NDUFAF6: variants seen among roughly 807,000 people sequenced by gnomAD.
NDUFAF6 encodes the protein NADH dehydrogenase (ubiquinone) complex I, assembly factor 6.
NDUFAF6 carries 45 observed loss-of-function variants against 40.8 expected under a neutral mutation model. That is an observed-to-expected ratio of 1.10 (90% CI 0.87 to 1.42). The LOEUF (loss-of-function observed/expected upper bound fraction) is 1.42, where lower values mean the gene tolerates loss of function less well. Ranked by LOEUF, NDUFAF6 falls within the 40% of genes most tolerant of loss-of-function variation. The pLI is 0.00. For missense variants in NDUFAF6, 435 were observed against 418.5 expected, an observed-to-expected ratio of 1.04 and a Z score of -0.34; for synonymous variants, 185 against 155.9, an observed-to-expected ratio of 1.19 and a Z score of -1.39.
downstream of NDUFAF6, chr8:95,058,719 A>G (rs1210969400): frequency 1.0e-6 from 1 of 999,076 alleles, no homozygotes; most frequent in Non-Finnish European, 1.2e-6. Flanking sequence ...TATACTGTAC[A>G]TTCTGCGCTA....
rs543958025 is a variant in NDUFAF6, at chr8:95,054,616, G to A, written c.873+2386G>A. 1.6e-4 allele frequency among the ~76,000 whole-genome samples: 25 copies of A among 152,132 alleles called. No homozygotes were observed. The South Asian group carries it at 5.0e-3, about 30-fold the overall frequency. On this transcript the variant is annotated intron_variant, in intron 8 of 8. Coordinates refer to ENST00000396124, the MANE Select transcript of NDUFAF6 (RefSeq NM_152416.4). ...TGCCCCGCTAATTTTTATATTTTTA[G>A]TAGAGGAGGGGTTTCCCCATGTTGG...
intron 1 of NDUFAF6, among the ~76,000 whole-genome samples, chr8:94,898,089 C>G (rs1817768698): frequency 6.6e-6 from 1 of 152,140 alleles, no homozygotes; most frequent in Non-Finnish European, 1.5e-5. Context: ...AACAGGACTT[C>G]CATATACTCA....
At chr8:94,924,862 C>T (rs1216406799) in intron 1 of NDUFAF6, among the ~76,000 whole-genome samples, 1 of 152,212 alleles carries the variant, frequency 6.6e-6, no homozygotes, top group Non-Finnish European at 1.5e-5. Context: ...CCTGCCTCAG[C>T]CTCCCGAGGA....
At chr8:95,062,156 CAAA>C (rs772221046), downstream of NDUFAF6, among the ~76,000 whole-genome samples, 8 of 110,618 alleles carry the variant, frequency 7.2e-5, no homozygotes, top group African/African-American at 1.3e-4. Context: ...GACCGTGGCT[CAAA>C]AAAAAAAAAA....
chr8:95,106,029 A>G (rs561810241), downstream of NDUFAF6, among the ~76,000 whole-genome samples: 76 of 151,916 alleles, frequency 5.0e-4, 1 homozygote, highest in South Asian at 0.01. Context: ...TAATCCCAGC[A>G]CTTTGGGAGG....
At chr8:95,114,315 C>G (rs1810081751) in intron 4 of NDUFAF6, among the ~76,000 whole-genome samples, 1 of 152,150 alleles carries the variant, frequency 6.6e-6, no homozygotes, top group Non-Finnish European at 1.5e-5. Flanking sequence ...AACCACTGAA[C>G]CCCAGTGGTT....
chr8:95,103,693 T>C (rs918363491), downstream of NDUFAF6, among the ~76,000 whole-genome samples: 5 of 152,290 alleles, frequency 3.3e-5, no homozygotes, highest in East Asian at 5.8e-4. Context: ...TCTTTGGAGA[T>C]AGGCAAATCT....
rs182690940 is a variant in NDUFAF6 at position 94,933,710 on chromosome 8, A to G, written c.-935-11773A>G. Among the ~76,000 whole-genome samples, 428 of 151,878 alleles carry G rather than the reference A, an allele frequency of 2.8e-3. 4 individuals are homozygous for G. The highest frequency in any genetic ancestry group is 0.01 in the African/African-American group (414 of 41,378). ...AATCTGGGAGGCAGAGGTTGCAGTGAGCTGAGATCGCGCCACTGCACTCCA... is the reference window on the plus strand; with the variant it reads ...AATCTGGGAGGCAGAGGTTGCAGTGGGCTGAGATCGCGCCACTGCACTCCA... On this transcript the variant is annotated intron_variant, in intron 1 of 14. Transcript: ENST00000396113.
intron 1 of NDUFAF6, among the ~76,000 whole-genome samples, chr8:94,915,489 A>T (rs147802025): frequency 7.9e-4 from 120 of 152,288 alleles, no homozygotes; most frequent in African/African-American, 2.8e-3. Flanking sequence ...ATCTAGACTG[A>T]TTCTATACTT....
At chr8:94,993,338 C>A (rs1188452750) in intron 2 of NDUFAF6, among the ~76,000 whole-genome samples, 1 of 152,210 alleles carries the variant, frequency 6.6e-6, no homozygotes, top group Non-Finnish European at 1.5e-5. Context: ...TTGGGAGGAA[C>A]AATTCAGCCC....
chr8:95,016,397 G>A (rs6471505), intron 2 of NDUFAF6, among the ~76,000 whole-genome samples: 21,861 of 152,222 alleles, frequency 0.14, 1,602 homozygotes, highest in Middle Eastern at 0.25. Flanking sequence ...CTCTTCTGGC[G>A]TCTGCTAAGT....
chr8:95,086,217 A>T, intron 2 of NDUFAF6, among the ~76,000 whole-genome samples: 1 of 152,210 alleles, frequency 6.6e-6, no homozygotes, highest in Non-Finnish European at 1.5e-5. Flanking sequence ...CCTCAAACTG[A>T]GAAAGAAAAA....
chr8:95,104,539 G>C (rs1473532321), downstream of NDUFAF6, among the ~76,000 whole-genome samples: 2 of 152,116 alleles, frequency 1.3e-5, no homozygotes, highest in African/African-American at 4.8e-5. Flanking sequence ...CTTTTGTCCT[G>C]GACTGTCTTT....
intron 2 of NDUFAF6, among the ~76,000 whole-genome samples, chr8:95,005,916 G>T (rs745459833): frequency 6.6e-6 from 1 of 152,030 alleles, no homozygotes; most frequent in Non-Finnish European, 1.5e-5. Flanking sequence ...TCCAGAAACC[G>T]GGCAGACGAG....
At chr8:94,975,572 T>C (rs1824848989) in intron 1 of NDUFAF6, among the ~76,000 whole-genome samples, 2 of 152,188 alleles carry the variant, frequency 1.3e-5, no homozygotes, top group Non-Finnish European at 2.9e-5. Context: ...ACTGTTGTTA[T>C]GATGCTCTTT....
At chr8:94,928,508 G>T (rs1476879198) in intron 1 of NDUFAF6, 1 of 152,508 alleles carries the variant, frequency 6.6e-6, no homozygotes, top group Non-Finnish European at 1.5e-5. Flanking sequence ...AACACAAATA[G>T]TAAGAGAAAA....
chr8:95,004,379 G>C (rs1273812598), intron 2 of NDUFAF6, among the ~76,000 whole-genome samples: 1 of 106,054 alleles, frequency 9.4e-6, no homozygotes, highest in Non-Finnish European at 1.8e-5. Flanking sequence ...TTTTGAGACC[G>C]GGTCTTGCTG....
At chr8:95,111,580 G>A (rs1283410837) in intron 4 of NDUFAF6, among the ~76,000 whole-genome samples, 1 of 152,076 alleles carries the variant, frequency 6.6e-6, no homozygotes, top group African/African-American at 2.4e-5. Flanking sequence ...CGTGTAGGTA[G>A]TGCCTTGGTA....
rs545879872 is a variant in NDUFAF6 at position 95,006,409 on chromosome 8, G to GT, written c.-84+25437dup. ...AAGAAAAAGAAAAAAAGACATCTCT[G>GT]TAAGACTTATCTTTCAAAGAATCTC... On this transcript the variant is annotated intron_variant, in intron 2 of 9. Coordinates refer to the NDUFAF6 transcript ENST00000396111. Among the ~76,000 whole-genome samples, 356 of 150,772 alleles carry GT rather than the reference G, an allele frequency of 2.4e-3. 1 individual carries two copies. Among genetic ancestry groups the GT allele is most frequent in the Non-Finnish European group, 4.2e-3 (287 of 67,732 alleles).
Sources: allele counts gnomAD v4.1 joint callset (sites outside exome capture counted in the v4.1 genomes callset), GRCh38; gene constraint gnomAD v4.1.1; transcripts MANE v1.5; gene names NCBI Gene and HGNC (gene_info 2026-07-23, HGNC 2026-07-21).